Variants in CCDC149 observed in about 807,000 individuals in gnomAD.
CCDC149 encodes the protein coiled-coil domain-containing protein 149.
In CCDC149, 45 loss-of-function variants were observed where a neutral mutation model predicts 59.9. That is an observed-to-expected ratio of 0.75 (90% confidence interval 0.59 to 0.96). The LOEUF (loss-of-function observed/expected upper bound fraction) is 0.96. CCDC149 is among the 40% of genes least tolerant of loss of function. The pLI, the probability that CCDC149 is intolerant of heterozygous loss-of-function variation, is 0.00. For synonymous variants in CCDC149, 245 were observed against 260.6 expected (o/e 0.94, Z 0.58); for missense variants, 584 against 664.7 (o/e 0.88, Z 1.33).
chr4:24,923,514 AG>A (rs780472755), intron 1 of CCDC149, among the ~76,000 whole-genome samples: 3 of 152,226 alleles, frequency 2.0e-5, no homozygotes, highest in Admixed American at 1.3e-4. Flanking sequence ...GAGATCTAAT[AG>A]GGAATCTAAG....
intron 1 of CCDC149, among the ~76,000 whole-genome samples, chr4:24,888,627 T>G (rs1015425061): frequency 1.3e-5 from 2 of 152,118 alleles, no homozygotes; most frequent in African/African-American, 4.8e-5. Flanking sequence ...CAGACATGGG[T>G]TTGGTTATCT....
Position 24,934,740 on chromosome 4 carries a change from G to A in CCDC149, c.-64-39622C>T, listed in dbSNP as rs183486784. On this transcript the variant is annotated intron_variant, in intron 1 of 12. Transcript: ENST00000389609. ...AAAGATGGTCTAGATGCACACTCTA[G>A]ACAGAGGGAACCATGAGGACAAAGG... Among the ~76,000 whole-genome samples, 483 of 152,320 alleles carry A rather than the reference G, an allele frequency of 3.2e-3. 5 individuals carry two copies. The highest frequency in any genetic ancestry group is 0.011 in the African/African-American group (455 of 41,574).
At chr4:24,947,835 T>TTA (rs1723162608) in intron 1 of CCDC149, among the ~76,000 whole-genome samples, 1 of 152,098 alleles carries the variant, frequency 6.6e-6, no homozygotes, top group African/African-American at 2.4e-5. Context: ...TTTTTTTTTT[T>TTA]ATTGCAGATA....
At chr4:24,913,968 G>A (rs1240686323), upstream of CCDC149, among the ~76,000 whole-genome samples, 3 of 152,222 alleles carry the variant, frequency 2.0e-5, no homozygotes, top group Non-Finnish European at 4.4e-5. Flanking sequence ...TGAGCCCTCT[G>A]TACTCGCAGA....
chr4:24,882,146 T>C (rs1283901012), intron 1 of CCDC149, among the ~76,000 whole-genome samples: 5 of 152,218 alleles, frequency 3.3e-5, no homozygotes, highest in Non-Finnish European at 1.5e-5. Flanking sequence ...CAACTTTTTC[T>C]AAAACTAGTG....
chr4:24,905,394 T>C (rs1721422208), intron 1 of CCDC149, among the ~76,000 whole-genome samples: 1 of 149,974 alleles, frequency 6.7e-6, no homozygotes, highest in African/African-American at 2.4e-5. Context: ...TATATAGTCT[T>C]CTTTCTTTTT....
intron 1 of CCDC149, among the ~76,000 whole-genome samples, chr4:24,887,985 C>T (rs1487255028): frequency 6.6e-6 from 1 of 152,154 alleles, no homozygotes; most frequent in African/African-American, 2.4e-5. Context: ...TCTTTTTCTA[C>T]ACTGTCCTGC....
At chr4:24,904,889 G>A (rs1418305013) in intron 1 of CCDC149, among the ~76,000 whole-genome samples, 3 of 151,978 alleles carry the variant, frequency 2.0e-5, no homozygotes, top group African/African-American at 7.2e-5. Context: ...TTGTTTCTTT[G>A]TTTTTGTTCT....
At chr4:24,869,779 G>C (rs921394517) in intron 3 of CCDC149, among the ~76,000 whole-genome samples, 5 of 152,138 alleles carry the variant, frequency 3.3e-5, no homozygotes, top group Non-Finnish European at 7.3e-5. Context: ...CCCATTTTAT[G>C]GATGAGAACA....
chr4:24,869,739 G>C (rs150895216), intron 3 of CCDC149, among the ~76,000 whole-genome samples: 1 of 152,338 alleles, frequency 6.6e-6, no homozygotes, highest in Non-Finnish European at 1.5e-5. Context: ...GATCCTGACA[G>C]CTACACTATG....
intron 1 of CCDC149, among the ~76,000 whole-genome samples, chr4:24,947,453 C>T (rs1020744321): frequency 2.6e-5 from 4 of 152,198 alleles, no homozygotes; most frequent in African/African-American, 9.7e-5. Context: ...AATTAAACCT[C>T]TTTTCTTTAT....
chr4:24,834,907 T>G, intron 8 of CCDC149, 41 bp downstream of exon 8: 1 of 1,474,856 alleles, frequency 6.8e-7, no homozygotes, highest in African/African-American at 1.4e-5. Context: ...CTCTAGTATT[T>G]TACGCTCATG....
At chr4:24,950,388 C>T (rs1723249771) in intron 1 of CCDC149, among the ~76,000 whole-genome samples, 1 of 152,234 alleles carries the variant, frequency 6.6e-6, no homozygotes, top group Non-Finnish European at 1.5e-5. Context: ...AGCACAGTGC[C>T]TGACACAGAG....
chr4:24,856,367 T>A (rs1426198573), intron 3 of CCDC149, among the ~76,000 whole-genome samples: 1 of 152,220 alleles, frequency 6.6e-6, no homozygotes, highest in African/African-American at 2.4e-5. Flanking sequence ...AACTACATTA[T>A]ATTACAATAG....
At chr4:24,931,943 C>T (rs1722607643) in intron 1 of CCDC149, among the ~76,000 whole-genome samples, 4 of 150,118 alleles carry the variant, frequency 2.7e-5, no homozygotes, top group Admixed American at 2.7e-4. Context: ...TTTAAATCCT[C>T]ATAGTAACCC....
At chr4:24,937,770 C>T (rs901581938) in intron 1 of CCDC149, among the ~76,000 whole-genome samples, 1 of 152,186 alleles carries the variant, frequency 6.6e-6, no homozygotes, top group Non-Finnish European at 1.5e-5. Flanking sequence ...TGTGACTCCT[C>T]CTAACTGTAA....
intron 4 of CCDC149, among the ~76,000 whole-genome samples, chr4:24,844,685 A>G (rs953075474): frequency 2.6e-5 from 4 of 152,166 alleles, no homozygotes; most frequent in Non-Finnish European, 4.4e-5. Context: ...AGGCAGTTGA[A>G]TTGCTTGAAC....
At chr4:24,973,014 T>C (rs1724026469) in intron 1 of CCDC149, among the ~76,000 whole-genome samples, 2 of 152,312 alleles carry the variant, frequency 1.3e-5, no homozygotes. Context: ...GAACCTTGGT[T>C]TCCACAACCC....
At chr4:24,864,437 AC>A (rs1253412140) in intron 3 of CCDC149, among the ~76,000 whole-genome samples, 1 of 152,002 alleles carries the variant, frequency 6.6e-6, no homozygotes, top group East Asian at 1.9e-4. Context: ...TGGTCCTGTG[AC>A]CCTCACCCAG....
Sources: gnomAD v4.1 joint callset for allele counts (sites outside exome capture counted in the v4.1 genomes callset) on GRCh38, gnomAD v4.1.1 for gene constraint, MANE v1.5 for transcripts, NCBI Gene and HGNC (gene_info 2026-07-23, HGNC 2026-07-21) for gene names.